The following GSTM4 variants were observed in gnomAD, a reference collection of about 807,000 sequenced individuals.
GSTM4 encodes the protein glutathione S-transferase mu 4.
A neutral mutation model predicts 30.1 loss-of-function variants in GSTM4; 27 were observed. The ratio of observed to expected loss-of-function variants is 0.90; its 90% CI spans 0.66 to 1.24. The LOEUF (loss-of-function observed/expected upper bound fraction) is 1.24, where lower values mean the gene tolerates loss of function less well. Among genes scored for constraint, GSTM4 ranks in the 50% most tolerant of loss-of-function variants. The pLI, the probability that GSTM4 is intolerant of heterozygous loss-of-function variation, is 0.00. For missense variants in GSTM4, 238 were observed against 272.1 expected, an observed-to-expected ratio of 0.87 and a Z score of 0.88; for synonymous variants, 94 against 96.2, an observed-to-expected ratio of 0.98 and a Z score of 0.13.
At chr1:109,665,443 G>T, downstream of GSTM4, 1 of 205,700 alleles carries the variant, frequency 4.9e-6, no homozygotes, top group South Asian at 1.2e-4. Context: ...AATTGTGTGA[G>T]CCAATTCCCA....
intron 5 of GSTM4, 108 bp from the exon 6 acceptor site, chr1:109,658,706 A>G: frequency 1.3e-6 from 1 of 777,560 alleles, no homozygotes; most frequent in Non-Finnish European, 2.3e-6. Flanking sequence ...GCTGTGGGGA[A>G]GATGGCTGCT....
rs747135122 is a variant in GSTM4, at chr1:109,657,320, C to T, written c.177+41C>T. 2.7e-5 allele frequency: 43 copies of T among 1,603,036 alleles called. 1 individual carries two copies. Among genetic ancestry groups the T allele is most frequent in the South Asian group, 7.7e-5 (7 of 90,804 alleles). ...GGGGCGGTTTTGGGGGAAAGTGCGACGTGTCTCTGACTGCATCTCCTCTCC... is the reference window on the plus strand; with the variant it reads ...GGGGCGGTTTTGGGGGAAAGTGCGATGTGTCTCTGACTGCATCTCCTCTCC... On this transcript the variant is annotated intron_variant, in intron 3 of 7. Coordinates refer to ENST00000369836, the MANE Select transcript of GSTM4 (RefSeq NM_000850.5).
At position 109,658,453 on chromosome 1, in the gene GSTM4, T is replaced by C. The variant is rs753951724; in HGVS notation, c.361-361T>C. The C allele has an allele frequency of 2.8e-4, 75 of 272,670 alleles. No individual in the cohort carries two copies. In the Middle Eastern group the frequency reaches 5.2e-3, roughly 19 times the overall value. 16.9% of individuals were successfully genotyped at this position (272,670 alleles called of 1,614,324 possible). A position where few individuals can be genotyped will look rare whatever the true frequency, so the allele number is the denominator to read the frequency against. On this transcript the variant is annotated intron_variant, in intron 5 of 7. Transcript: ENST00000369836. ...TCTGCCACTGCACTAGGAGGAACTTTCAACTTCTTTCTCTGAGCTCCTTTA... is the reference window on the plus strand; with the variant it reads ...TCTGCCACTGCACTAGGAGGAACTTCCAACTTCTTTCTCTGAGCTCCTTTA...
chr1:109,659,314 C>T (rs1652192767), intron 7 of GSTM4: 2 of 1,551,322 alleles, frequency 1.3e-6, no homozygotes, highest in East Asian at 4.8e-5. Context: ...AATTATCTTG[C>T]CCATTTAGAG....
intron 1 of GSTM4, 38 bp from the exon 2 acceptor site, chr1:109,656,674 C>T (rs900561689): frequency 6.3e-7 from 1 of 1,599,908 alleles, no homozygotes; most frequent in Non-Finnish European, 8.6e-7. Flanking sequence ...GTCAGGGACC[C>T]TCCATCTCTG....
In GSTM4 at chr1:109,656,396, A is replaced by G. The variant is rs1282403867; in HGVS notation, c.7A>G (p.Met3Val). The G allele has an allele frequency of 1.9e-6, 3 of 1,613,148 alleles. No individual in the cohort carries two copies. The highest frequency in any genetic ancestry group is 4.5e-5 in the East Asian group (2 of 44,854). The change falls in exon 1 of 8, where the codon ATG (methionine) becomes GTG (valine). Residue 3 changes from methionine (M) to valine (V), a missense_variant. Physicochemically the swap from Met to Val is conservative, Grantham distance 21. Coordinates refer to ENST00000369836, the MANE Select transcript of GSTM4 (RefSeq NM_000850.5). MS[M>V]TLGYWDIRGL... Reference sequence around the variant, plus strand: ...ATCGACACCAACCAGCATCATGTCCATGACACTGGGGTACTGGGACATCCG... The same window carrying G: ...ATCGACACCAACCAGCATCATGTCCGTGACACTGGGGTACTGGGACATCCG...
At position 109,656,730 on chromosome 1, in the gene GSTM4, C is replaced by T. The variant is rs768307067; in HGVS notation, c.55C>T (p.Leu19=). Residue 19 remains leucine, a synonymous_variant, in exon 2 of 8, where the codon CTG becomes TTG. Transcript: ENST00000369836. ...DIRGLAHAIR[L]LLEYTDSSYE... Reference sequence around the variant, plus strand: ...CTTCCAGCTGGCCCACGCCATCCGCCTGCTCCTGGAATACACAGACTCAAG... The same window carrying T: ...CTTCCAGCTGGCCCACGCCATCCGCTTGCTCCTGGAATACACAGACTCAAG... 7 of 1,613,978 alleles carry T rather than the reference C, an allele frequency of 4.3e-6. No homozygotes were observed. Among genetic ancestry groups the T allele is most frequent in the Non-Finnish European group, 5.9e-6 (7 of 1,179,970 alleles).
intron 7 of GSTM4, 61 bp from the exon 8 acceptor site, chr1:109,661,104 G>A: frequency 1.3e-6 from 2 of 1,599,462 alleles, no homozygotes; most frequent in African/African-American, 1.4e-5. Context: ...CTGCAGTGGG[G>A]TTGTCCCAGC....
chr1:109,656,695 C>G lies in GSTM4; in HGVS notation c.37-17C>G. On this transcript the variant is annotated splice_polypyrimidine_tract_variant and intron_variant, in intron 1 of 7. Coordinates refer to ENST00000369836, the MANE Select transcript of GSTM4 (RefSeq NM_000850.5). ...GACCCTCCATCTCTGACACGACCTG[C>G]GGGCCATCTCTTCCAGCTGGCCCAC... The G allele has an allele frequency of 6.2e-7, 1 of 1,612,276 alleles. No individual in the cohort carries two copies. The highest frequency in any genetic ancestry group is 8.5e-7 in the Non-Finnish European group (1 of 1,178,610).
intron 5 of GSTM4, 105 bp from the exon 6 acceptor site, chr1:109,658,709 T>C (rs991789358): frequency 2.0e-5 from 16 of 792,034 alleles, no homozygotes; most frequent in Non-Finnish European, 2.9e-5. Flanking sequence ...GTGGGGAAGA[T>C]GGCTGCTTGC....
intron 3 of GSTM4, 87 bp from the exon 4 acceptor site, chr1:109,657,503 G>C (rs1429627833): frequency 1.3e-6 from 2 of 1,581,164 alleles, no homozygotes; most frequent in Non-Finnish European, 1.7e-6. Flanking sequence ...GTGAGTGCCT[G>C]GTCTCCCCTC....
chr1:109,658,949 T>C, intron 6 of GSTM4, 40 bp downstream of exon 6: 1 of 1,612,284 alleles, frequency 6.2e-7, no homozygotes, highest in Non-Finnish European at 8.5e-7. Flanking sequence ...AGATTTGCCA[T>C]ACATCCTACG....
chr1:109,659,771 C>T, intron 7 of GSTM4: 1 of 523,926 alleles, frequency 1.9e-6, no homozygotes, highest in Non-Finnish European at 3.6e-6. Context: ...ATCTTTTTTC[C>T]TCTCTTTTTT....
At chr1:109,657,401 T>C (rs1652065437) in intron 3 of GSTM4, 122 bp downstream of exon 3, 2 of 1,433,380 alleles carry the variant, frequency 1.4e-6, no homozygotes, top group Non-Finnish European at 2.0e-6. Flanking sequence ...TCACTCCTGG[T>C]TGTCTACACA....
intron 3 of GSTM4, 109 bp downstream of exon 3, chr1:109,657,388 C>T (rs1285372795): frequency 6.8e-7 from 1 of 1,472,140 alleles, no homozygotes. Flanking sequence ...TGCCCAATTC[C>T]TCTCACTCCT....
intron 5 of GSTM4, 182 bp from the exon 6 acceptor site, chr1:109,658,632 A>G: frequency 1.6e-6 from 1 of 621,844 alleles, no homozygotes; most frequent in Non-Finnish European, 2.9e-6. Context: ...CATCACCACA[A>G]AAGCCTCCAG....
chr1:109,665,252 T>A, downstream of GSTM4: 2 of 608,068 alleles, frequency 3.3e-6, no homozygotes, highest in Non-Finnish European at 5.9e-6. Flanking sequence ...GGGACATCCA[T>A]CTCTGCCTAT....
Position 109,656,316 on chromosome 1 carries a change from T to C in GSTM4, c.-74T>C. The stretch of plus-strand genomic sequence containing the variant: ...TCTGGCGCTAGGTCCAGCCCCTGCG[T>C]GCCGGGAACCCCAGAGGAGGTCGCA... On this transcript the variant is annotated 5_prime_UTR_variant, in exon 1 of 8. Transcript: ENST00000369836. The C allele has an allele frequency of 6.9e-7, 1 of 1,459,596 alleles. No individual in the cohort carries two copies. The allele number at this position is 1,459,596 out of a possible 1,614,324, so 90.4% of individuals were successfully genotyped here.
chr1:109,657,700 G>A, intron 4 of GSTM4, 29 bp downstream of exon 4: 3 of 1,614,230 alleles, frequency 1.9e-6, no homozygotes, highest in African/African-American at 1.3e-5. Context: ...AGTGTGTGGG[G>A]GGAAGGTGGC....
Sources: allele counts gnomAD v4.1 joint callset, GRCh38; gene constraint gnomAD v4.1.1; transcripts MANE v1.5; gene names NCBI Gene and HGNC (gene_info 2026-07-23, HGNC 2026-07-21).